The following SORBS2 variants were observed in gnomAD, a reference collection of about 807,000 sequenced individuals.
SORBS2 encodes the protein sorbin and SH3 domain-containing protein 2.
A neutral mutation model predicts 97.7 loss-of-function variants in SORBS2; 46 were observed. That is an observed-to-expected ratio of 0.47 (90% CI 0.37 to 0.60). SORBS2 has a LOEUF of 0.60. Among genes scored for constraint, SORBS2 ranks in the 20% least tolerant of loss-of-function variants. The probability of loss-of-function intolerance (pLI) is 0.00; values close to 1 mark genes in which losing one functional copy is unlikely to be tolerated. For missense variants in SORBS2, 1,316 were observed against 1,282.3 expected (o/e 1.03, Z -0.40); for synonymous variants, 476 against 473.4 (o/e 1.01, Z -0.07).
At chr4:185,818,113 T>C (rs1371742674) in intron 1 of SORBS2, among the ~76,000 whole-genome samples, 2 of 152,228 alleles carry the variant, frequency 1.3e-5, no homozygotes, top group Non-Finnish European at 2.9e-5. Context: ...TTGCAGAATA[T>C]TGGATGGGAG....
At chr4:185,714,168 G>C (rs2098446476) in intron 2 of SORBS2, among the ~76,000 whole-genome samples, 1 of 152,164 alleles carries the variant, frequency 6.6e-6, no homozygotes, top group African/African-American at 2.4e-5. Context: ...ATGAGGCATT[G>C]CTTTATCAAA....
intron 1 of SORBS2, among the ~76,000 whole-genome samples, chr4:185,935,096 CT>C: frequency 6.6e-6 from 1 of 152,330 alleles, no homozygotes; most frequent in South Asian, 2.1e-4. Context: ...TAATGTAGCT[CT>C]TTCCCCAGTT....
upstream of SORBS2, chr4:185,657,189 C>T (rs2097420942): frequency 2.6e-6 from 1 of 383,526 alleles, no homozygotes; most frequent in Non-Finnish European, 4.4e-6. Context: ...TACCATTTAA[C>T]AAAATCGCAA....
intron 1 of SORBS2, among the ~76,000 whole-genome samples, chr4:185,787,729 C>T (rs1436036295): frequency 1.3e-5 from 2 of 152,212 alleles, no homozygotes; most frequent in Non-Finnish European, 2.9e-5. Flanking sequence ...AATCCAGCAA[C>T]GCAGATTGTG....
At position 185,904,965 on chromosome 4, in the gene SORBS2, G is replaced by A. The variant is rs1021659623; in HGVS notation, c.-338+51231C>T. On this transcript the variant is annotated intron_variant, in intron 1 of 20. Transcript: ENST00000284776. Reference sequence around the variant, plus strand: ...ACTAAAAATACAAAATTAGCCAGGCGTGGTGGCGCATGCCTATAGTCCCAG... The same window carrying A: ...ACTAAAAATACAAAATTAGCCAGGCATGGTGGCGCATGCCTATAGTCCCAG... 3.9e-5 allele frequency among the ~76,000 whole-genome samples: 6 copies of A among 152,246 alleles called. No individual in the cohort carries two copies. In the East Asian group the frequency reaches 5.8e-4, roughly 15 times the overall value.
chr4:185,942,486 G>A (rs926523896), intron 1 of SORBS2, among the ~76,000 whole-genome samples: 2 of 151,930 alleles, frequency 1.3e-5, no homozygotes, highest in Non-Finnish European at 1.5e-5. Context: ...GAGTAGCTGG[G>A]ATTACAGGTG....
At chr4:185,615,757 G>A (rs1485305094) in intron 9 of SORBS2, among the ~76,000 whole-genome samples, 1 of 152,086 alleles carries the variant, frequency 6.6e-6, no homozygotes, top group African/African-American at 2.4e-5. Flanking sequence ...AATTTTCAGT[G>A]GGGCAAGAAG....
intron 4 of SORBS2, among the ~76,000 whole-genome samples, chr4:185,667,066 G>T (rs1401060243): frequency 1.3e-5 from 2 of 152,182 alleles, no homozygotes; most frequent in African/African-American, 4.8e-5. Context: ...TTGACCACAC[G>T]TGACAAATAG....
intron 2 of SORBS2, among the ~76,000 whole-genome samples, chr4:185,691,039 A>T (rs2098083797): frequency 1.3e-5 from 2 of 152,068 alleles, no homozygotes; most frequent in South Asian, 4.1e-4. Context: ...AGCTGGGATT[A>T]CAGGCACATG....
At chr4:185,757,525 T>A (rs1213004668) in intron 2 of SORBS2, among the ~76,000 whole-genome samples, 8 of 152,256 alleles carry the variant, frequency 5.3e-5, no homozygotes, top group Admixed American at 5.2e-4. Flanking sequence ...AATGCCTGTA[T>A]AACATAATTT....
At position 185,836,363 on chromosome 4, in the gene SORBS2, G is replaced by A. The variant is rs573004884; in HGVS notation, c.-337-60997C>T. Among the ~76,000 whole-genome samples, 389 of 152,308 alleles carry A rather than the reference G, an allele frequency of 2.6e-3. 2 individuals are homozygous for A. Among genetic ancestry groups the A allele is most frequent in the Non-Finnish European group, 2.2e-3 (149 of 68,038 alleles). ...CTACTCTGCCATTGCTCTCATCAGAGTAGACAGATAAAAGGTCAGTTTATA... is the reference window on the plus strand; with the variant it reads ...CTACTCTGCCATTGCTCTCATCAGAATAGACAGATAAAAGGTCAGTTTATA... On this transcript the variant is annotated intron_variant, in intron 1 of 20. Coordinates refer to the SORBS2 transcript ENST00000284776.
intron 2 of SORBS2, among the ~76,000 whole-genome samples, chr4:185,743,882 C>T (rs2098742859): frequency 6.8e-6 from 1 of 147,836 alleles, no homozygotes; most frequent in African/African-American, 2.5e-5. Context: ...CCTCCTCTTT[C>T]TCCTCCTCCT....
intron 2 of SORBS2, among the ~76,000 whole-genome samples, chr4:185,722,263 A>G (rs1001749531): frequency 6.6e-6 from 1 of 152,248 alleles, no homozygotes; most frequent in Non-Finnish European, 1.5e-5. Context: ...TGTTTAAAAA[A>G]TATGAAAAAC....
In SORBS2 at chr4:185,845,124, C is replaced by T. The variant is rs139746495; in HGVS notation, c.-337-69758G>A. ...TCCTCCTGGGCTCAAATGATTCTCC[C>T]ACCTCAGCCCCCCTAGTACCTGGGA... On this transcript the variant is annotated intron_variant, in intron 1 of 20. Coordinates refer to the SORBS2 transcript ENST00000284776. 9.9e-5 allele frequency among the ~76,000 whole-genome samples: 15 copies of T among 151,926 alleles called. No individual in the cohort carries two copies. In the East Asian group the frequency reaches 2.9e-3, roughly 29 times the overall value.
chr4:185,646,880 G>T, intron 3 of SORBS2, 98 bp from the exon 13 acceptor site: 2 of 696,958 alleles, frequency 2.9e-6, no homozygotes, highest in African/African-American at 1.8e-5. Context: ...TTTTAGCATA[G>T]TTTTAAAAAA....
At chr4:185,833,112 T>G (rs373335741) in intron 1 of SORBS2, among the ~76,000 whole-genome samples, 1 of 152,224 alleles carries the variant, frequency 6.6e-6, no homozygotes, top group Non-Finnish European at 1.5e-5. Flanking sequence ...TTAAAATGGC[T>G]AATTCCAAAG....
chr4:185,766,110 A>ACACTTGGCTCTGCTGGG (rs2098932660), intron 2 of SORBS2, among the ~76,000 whole-genome samples: 1 of 152,200 alleles, frequency 6.6e-6, no homozygotes, highest in African/African-American at 2.4e-5. Context: ...CAGAGGGAAA[A>ACACTTGGCTCTGCTGGG]ACCATTTTCT....
intron 9 of SORBS2, among the ~76,000 whole-genome samples, chr4:185,616,379 A>C (rs1201697616): frequency 1.3e-5 from 2 of 152,238 alleles, no homozygotes; most frequent in Non-Finnish European, 2.9e-5. Context: ...CCCTAAAAAC[A>C]AAGAAGATTC....
At chr4:185,917,787 C>T (rs13110925) in intron 1 of SORBS2, among the ~76,000 whole-genome samples, 3 of 151,860 alleles carry the variant, frequency 2.0e-5, no homozygotes, top group African/African-American at 7.2e-5. Context: ...TGGGGGACAC[C>T]CTACTGGTGT....
Sources: gnomAD v4.1 joint callset for allele counts (sites outside exome capture counted in the v4.1 genomes callset) on GRCh38, gnomAD v4.1.1 for gene constraint, MANE v1.5 for transcripts, NCBI Gene and HGNC (gene_info 2026-07-23, HGNC 2026-07-21) for gene names.